The following BRF1 variants were observed in gnomAD, a reference collection of about 807,000 sequenced individuals.
The protein encoded by BRF1 is BRF1 general transcription factor IIIB subunit.
A neutral mutation model predicts 81.7 loss-of-function variants in BRF1; 59 were observed. That is an observed-to-expected ratio of 0.72 (90% CI 0.59 to 0.90). The LOEUF (loss-of-function observed/expected upper bound fraction) is 0.90. Among genes scored for constraint, BRF1 ranks in the 40% least tolerant of loss-of-function variants. BRF1 has a pLI of 0.00. For synonymous variants in BRF1, 491 were observed against 395.6 expected (o/e 1.24, Z -2.86); for missense variants, 1,050 against 936.3 (o/e 1.12, Z -1.58).
In BRF1 at chr14:105,269,159, C is replaced by T. The variant is rs1054111655; in HGVS notation, c.439+3562G>A. Among the ~76,000 whole-genome samples the T allele has an allele frequency of 6.6e-5, 10 of 152,124 alleles. No homozygotes were observed. Among genetic ancestry groups the T allele is most frequent in the African/African-American group, 1.9e-4 (8 of 41,410 alleles). Reference sequence around the variant, plus strand: ...GGCAGGCCTAGGGCACGGTGCTGCCCGCAACCTGAAGGGAGGGCAGAGCGG... The same window carrying T: ...GGCAGGCCTAGGGCACGGTGCTGCCTGCAACCTGAAGGGAGGGCAGAGCGG... On this transcript the variant is annotated intron_variant, in intron 3 of 17. Transcript: ENST00000547530. The surrounding 1 kb of genome is among the most constrained non-coding windows in gnomAD (Gnocchi z 5.0).
chr14:105,292,889 T>C (rs4412909), intron 1 of BRF1, among the ~76,000 whole-genome samples: 38,579 of 151,806 alleles, frequency 0.25, 5,146 homozygotes, highest in South Asian at 0.29. Context: ...TCCAGACCCC[T>C]TCCCAAGCCC....
intron 12 of BRF1, 75 bp downstream of exon 12, chr14:105,219,994 C>T (rs909877932): frequency 1.3e-5 from 21 of 1,574,888 alleles, no homozygotes; most frequent in Middle Eastern, 1.7e-4. Context: ...CAACCCCGCC[C>T]GACCACTCAG....
intron 6 of BRF1, among the ~76,000 whole-genome samples, chr14:105,241,035 C>T (rs947698828): frequency 6.6e-6 from 1 of 152,208 alleles, no homozygotes. Flanking sequence ...GCCGCTCTGC[C>T]CTGAGAGTTC....
chr14:105,282,301 C>T (rs1197894109), intron 2 of BRF1, among the ~76,000 whole-genome samples: 2 of 152,206 alleles, frequency 1.3e-5, no homozygotes, highest in Non-Finnish European at 2.9e-5. Flanking sequence ...TGCACGGAGG[C>T]AAGCAGAGGA....
intron 1 of BRF1, among the ~76,000 whole-genome samples, chr14:105,294,446 T>C (rs996632063): frequency 2.0e-5 from 3 of 152,358 alleles, no homozygotes; most frequent in East Asian, 3.9e-4. Flanking sequence ...CCGGATGCAC[T>C]TAACACTGTG....
In BRF1 at chr14:105,286,334, T is replaced by C; in HGVS notation, c.227A>G (p.Asn76Ser). Reference protein sequence around the residue: ...TPTLGGGFHVNLGKESRAQTL... With the variant: ...TPTLGGGFHVSLGKESRAQTL... ...CTGCGCTCTCGACTCCTTCCCCAGA[T>C]TCACGTGGAAGCCGCCACCCAGAGT... The change falls in exon 2 of 18, where the codon AAT (asparagine) becomes AGT (serine). Residue 76 changes from asparagine to serine, a missense_variant. By Grantham distance (46) the Asn-to-Ser change is conservative. Transcript: ENST00000547530. 1 of 1,613,778 alleles carries C rather than the reference T, an allele frequency of 6.2e-7. No individual in the cohort carries two copies. The highest frequency in any genetic ancestry group is 8.5e-7 in the Non-Finnish European group (1 of 1,179,922).
intron 1 of BRF1, among the ~76,000 whole-genome samples, chr14:105,312,072 C>T (rs1245991614): frequency 1.3e-5 from 2 of 152,216 alleles, no homozygotes; most frequent in Non-Finnish European, 2.9e-5. Context: ...CCCCACTCCC[C>T]GACTTCAGCA....
chr14:105,262,002 G>A (rs923682141), intron 3 of BRF1, among the ~76,000 whole-genome samples: 4 of 152,220 alleles, frequency 2.6e-5, no homozygotes, highest in Admixed American at 1.3e-4. Context: ...CACACGGCCC[G>A]GCCGAAGCTC....
intron 10 of BRF1, among the ~76,000 whole-genome samples, chr14:105,225,713 T>G (rs974673818): frequency 7.2e-5 from 11 of 152,044 alleles, no homozygotes; most frequent in Non-Finnish European, 1.3e-4. Context: ...CGTGGTGCGA[T>G]CTTGGCTCAC....
At chr14:105,267,716 T>C (rs1339368149) in intron 3 of BRF1, among the ~76,000 whole-genome samples, 1 of 152,220 alleles carries the variant, frequency 6.6e-6, no homozygotes, top group Non-Finnish European at 1.5e-5. Context: ...ATAAATGCCC[T>C]GTCCTTGAGA....
Position 105,210,349 on chromosome 14 carries a change from C to G in BRF1, c.*202G>C. 1 of 614,834 alleles carries G rather than the reference C, an allele frequency of 1.6e-6. No homozygotes were observed. The highest frequency in any genetic ancestry group is 2.9e-6 in the Non-Finnish European group (1 of 350,448). The allele number at this position is 614,834 out of a possible 1,614,324, so 38.1% of individuals were successfully genotyped here. ...CCACATCTGATCACACACATGCAGA[C>G]GCTTGGTCCGGTTTCCCTTGCTGAA... On this transcript the variant is annotated 3_prime_UTR_variant, in exon 18 of 18. Coordinates refer to ENST00000547530, the MANE Select transcript of BRF1 (RefSeq NM_001519.4). This position sits in a 1 kb window ranked among gnomAD's most constrained non-coding sequence, Gnocchi z 4.7.
chr14:105,245,704 T>C (rs587614431), intron 5 of BRF1, among the ~76,000 whole-genome samples: 1 of 152,242 alleles, frequency 6.6e-6, no homozygotes, highest in South Asian at 2.1e-4. Context: ...TATGCAGCGC[T>C]GGGAAAACTG....
chr14:105,211,464 G>A (rs1890102408), intron 16 of BRF1, 171 bp from the exon 17 acceptor site: 3 of 610,514 alleles, frequency 4.9e-6, no homozygotes, highest in South Asian at 2.1e-5. Context: ...GGCCTCCTGG[G>A]GGCTGTGCCA....
At chr14:105,241,190 C>T (rs1179462152) in intron 6 of BRF1, 75 bp downstream of exon 6, 3 of 1,575,866 alleles carry the variant, frequency 1.9e-6, no homozygotes, top group African/African-American at 2.7e-5. Context: ...CCCAGCCCAC[C>T]AGCACTCAGG....
In BRF1 at chr14:105,291,193, G is replaced by A. The variant is rs903684310; in HGVS notation, c.185-4817C>T. On this transcript the variant is annotated intron_variant, in intron 1 of 17. Transcript: ENST00000547530. ...GACCTGCGGTTCCACCAGAGCCAGA[G>A]CAGGGCCAGAGGCCGCAGGGGCACC... 1.3e-5 allele frequency among the ~76,000 whole-genome samples: 2 copies of A among 152,176 alleles called. 1 individual carries two copies. The highest frequency in any genetic ancestry group is 4.1e-4 in the South Asian group (2 of 4,836).
intron 3 of BRF1, among the ~76,000 whole-genome samples, chr14:105,265,539 G>T (rs2056372288): frequency 6.6e-6 from 1 of 151,984 alleles, no homozygotes; most frequent in African/African-American, 2.4e-5. Context: ...ATCACCTGAT[G>T]TCAGGAGTTT....
intron 7 of BRF1, chr14:105,228,220 G>A (rs587696308): frequency 6.6e-6 from 1 of 152,416 alleles, no homozygotes; most frequent in Non-Finnish European, 1.5e-5. Context: ...CCTCATGCCT[G>A]TTTGTGACTT....
Position 105,241,646 on chromosome 14 carries a change from G to A in BRF1, c.545-232C>T, listed in dbSNP as rs1237735487. 1.7e-5 allele frequency: 10 copies of A among 593,754 alleles called. No individual in the cohort carries two copies. The Middle Eastern group carries it at 1.4e-3, about 80-fold the overall frequency. The allele number at this position is 593,754 out of a possible 1,614,324, so 36.8% of individuals were successfully genotyped here. The stretch of plus-strand genomic sequence containing the variant: ...CTGCCAGCCAGCCTGCTGCAGACAC[G>A]CTAGGGCCAGGCAGCGTGCTCCTAC... On this transcript the variant is annotated intron_variant, in intron 5 of 17. Coordinates refer to ENST00000547530, the MANE Select transcript of BRF1 (RefSeq NM_001519.4).
upstream of BRF1, among the ~76,000 whole-genome samples, chr14:105,302,671 T>C (rs1480260719): frequency 6.6e-6 from 1 of 151,996 alleles, no homozygotes; most frequent in African/African-American, 2.4e-5. Context: ...CTGCAGACTC[T>C]ACCTCCTGGG....
Sources: allele counts gnomAD v4.1 joint callset (sites outside exome capture counted in the v4.1 genomes callset), GRCh38; gene constraint gnomAD v4.1.1; non-coding constraint Gnocchi (gnomAD v3.1); transcripts MANE v1.5; gene names NCBI Gene and HGNC (gene_info 2026-07-23, HGNC 2026-07-21).